STIL: variants seen among roughly 807,000 people sequenced by gnomAD.
The protein encoded by STIL is SCL-interrupting locus protein.
A neutral mutation model predicts 110.1 loss-of-function variants in STIL; 55 were observed. The observed-to-expected ratio is 0.50, with a 90% CI of 0.40 to 0.63. The LOEUF is 0.63. Ranked by LOEUF, STIL falls within the 20% of genes least tolerant of loss-of-function variation. STIL has a pLI of 0.00. For missense variants in STIL, 1,358 were observed against 1,530.0 expected (o/e 0.89, Z 1.87); for synonymous variants, 481 against 530.0 (o/e 0.91, Z 1.27).
chr1:47,312,452 C>CAA (rs1008201063), intron 1 of STIL, among the ~76,000 whole-genome samples: 4 of 132,980 alleles, frequency 3.0e-5, no homozygotes, highest in African/African-American at 8.4e-5. Context: ...GACTCCGTCT[C>CAA]AAAAAAAAAA....
intron 10 of STIL, 74 bp from the exon 11 acceptor site, chr1:47,282,533 G>T: frequency 1.1e-6 from 1 of 888,626 alleles, no homozygotes; most frequent in Non-Finnish European, 1.9e-6. Flanking sequence ...ATTGAATAAA[G>T]TCCTTTAATA....
intron 16 of STIL, among the ~76,000 whole-genome samples, chr1:47,254,180 C>CAAAAAAAAAA: frequency 1.6e-5 from 1 of 61,428 alleles, no homozygotes; most frequent in Non-Finnish European, 2.9e-5. Context: ...GACTCTGTCT[C>CAAAAAAAAAA]AAAAAAAAAA....
At position 47,280,494 on chromosome 1, in the gene STIL, G is replaced by A. The variant is rs772188029; in HGVS notation, c.1964C>T (p.Ala655Val). The A allele has an allele frequency of 5.0e-6, 8 of 1,614,132 alleles. No homozygotes were observed. The Admixed American group carries it at 6.7e-5, about 13-fold the overall frequency. Residue 655 changes from alanine to valine, a missense_variant, in exon 12 of 17, where the codon GCA becomes GTA. By Grantham distance (64) the Ala-to-Val change is moderately conservative. Transcript: ENST00000371877. ...TATAGGACTACTTGAAGAACAGAATGCATTACAGTACAGGGCTGGACATCC... is the reference window on the plus strand; with the variant it reads ...TATAGGACTACTTGAAGAACAGAATACATTACAGTACAGGGCTGGACATCC... ...PSGCPALYCN[A>V]FCSSSSPIAL...
intron 9 of STIL, among the ~76,000 whole-genome samples, chr1:47,288,965 G>A (rs1378768071): frequency 6.7e-6 from 1 of 148,222 alleles, no homozygotes; most frequent in Non-Finnish European, 1.5e-5. Flanking sequence ...TGGAGGTTGA[G>A]GCAGGAGAAT....
intron 6 of STIL, 114 bp downstream of exon 6, chr1:47,299,791 C>T: frequency 4.4e-6 from 5 of 1,126,150 alleles, no homozygotes; most frequent in Non-Finnish European, 5.1e-6. Flanking sequence ...GGTTATTAAC[C>T]AAGCCACCAT....
intron 5 of STIL, 25 bp downstream of exon 5, chr1:47,301,536 C>G: frequency 6.2e-7 from 1 of 1,601,072 alleles, no homozygotes; most frequent in East Asian, 2.2e-5. Flanking sequence ...GTTGAATTAA[C>G]TATCAAGTTG....
chr1:47,308,355 ACGTGATTATCGGGGCAGGT>A (rs1646025040), intron 2 of STIL, among the ~76,000 whole-genome samples: 2 of 151,924 alleles, frequency 1.3e-5, no homozygotes, highest in African/African-American at 2.4e-5. Flanking sequence ...AAAAGAACCT[ACGTGATTATCGGGGCAGGT>A]CCCCCGATAC....
chr1:47,255,726 A>G (rs1644310546), intron 16 of STIL, among the ~76,000 whole-genome samples: 1 of 152,198 alleles, frequency 6.6e-6, no homozygotes, highest in South Asian at 2.1e-4. Flanking sequence ...AGTCACTCCA[A>G]TTGGGAATAT....
rs543585452 is a variant in STIL at position 47,280,945 on chromosome 1, C to T, written c.1513G>A (p.Val505Ile). The T allele has an allele frequency of 2.5e-6, 4 of 1,614,004 alleles. No homozygotes were observed. In the African/African-American group the frequency reaches 4.0e-5, roughly 16 times the overall value. ...TTCTTATAGGCAGGTGGCTGTCTTA[C>T]TTTGCAGTGTCTCAAAAGAGCTGGT... The part of the protein sequence containing the change: ...DKPALLRHCK[V>I]RQPPAYKKGN... The change falls in exon 12 of 17, where the codon GTA becomes ATA. Residue 505 changes from valine (V) to isoleucine (I), a missense_variant. Coordinates refer to ENST00000371877, the MANE Select transcript of STIL (RefSeq NM_001048166.1).
intron 13 of STIL, among the ~76,000 whole-genome samples, chr1:47,270,255 T>TACAC (rs56253074): frequency 0.052 from 6,143 of 119,200 alleles, 276 homozygotes; most frequent in East Asian, 0.16. Flanking sequence ...TATATATATA[T>TACAC]ACACACACAC....
intron 14 of STIL, among the ~76,000 whole-genome samples, chr1:47,263,744 G>GTTTTTTTT (rs60915271): frequency 0.016 from 1,533 of 98,132 alleles, 233 homozygotes; most frequent in Middle Eastern, 0.025. Flanking sequence ...TTCATTCCAA[G>GTTTTTTTT]TTTTTTTTTT....
At chr1:47,314,461 G>C (rs1465685652), upstream of STIL, among the ~76,000 whole-genome samples, 12 of 152,352 alleles carry the variant, frequency 7.9e-5, no homozygotes, top group South Asian at 2.5e-3. Context: ...CAGCTAGGTA[G>C]ACGGAGGAGC....
intron 2 of STIL, among the ~76,000 whole-genome samples, chr1:47,305,978 G>A (rs1645949967): frequency 6.6e-6 from 1 of 151,522 alleles, no homozygotes. Flanking sequence ...TGATCTACCC[G>A]CCTCAGCCTC....
At chr1:47,302,388 A>G in intron 3 of STIL, 42 bp from the exon 4 acceptor site, 1 of 1,453,214 alleles carries the variant, frequency 6.9e-7, no homozygotes, top group Non-Finnish European at 9.7e-7. Flanking sequence ...TAGACCTCAT[A>G]TCTTAAAAAA....
rs1557749466 is a variant in STIL at position 47,287,641 on chromosome 1, T to A, written c.1043A>T (p.Lys348Ile). The A allele has an allele frequency of 6.2e-7, 1 of 1,613,604 alleles. No homozygotes were observed. The highest frequency in any genetic ancestry group is 8.5e-7 in the Non-Finnish European group (1 of 1,179,696). Residue 348 changes from lysine (K) to isoleucine (I), a missense_variant, in exon 10 of 17, where the codon AAA becomes ATA. Transcript: ENST00000371877. The part of the protein sequence containing the change: ...HLFKNVEPPD[K>I]NPIRCELSAE... Reference sequence around the variant, plus strand: ...GCTCAGTTCACAACGGATTGGATTTTTGTCAGGAGGTTCAACATTCTGAAA... The same window carrying A: ...GCTCAGTTCACAACGGATTGGATTTATGTCAGGAGGTTCAACATTCTGAAA...
At chr1:47,255,903 C>T (rs1644315213) in intron 16 of STIL, among the ~76,000 whole-genome samples, 1 of 152,158 alleles carries the variant, frequency 6.6e-6, no homozygotes, top group African/African-American at 2.4e-5. Context: ...CCTGCCTTAG[C>T]CACTCTTCTG....
chr1:47,260,117 G>T (rs186390000), intron 16 of STIL, among the ~76,000 whole-genome samples, 172 bp downstream of exon 16: 1 of 152,268 alleles, frequency 6.6e-6, no homozygotes, highest in African/African-American at 2.4e-5. Context: ...GCATATGGTA[G>T]GCCCTGAATA....
At chr1:47,278,552 C>T (rs1313624790) in intron 12 of STIL, among the ~76,000 whole-genome samples, 2 of 151,864 alleles carry the variant, frequency 1.3e-5, no homozygotes, top group Non-Finnish European at 2.9e-5. Context: ...TCCTTTTAGC[C>T]TCTAATTAGT....
Position 47,251,598 on chromosome 1 carries a change from A to G in STIL, c.3405T>C (p.Asn1135=). ...KRYGLLQSSD[N]SEDEEEPPDN... ...CGGGAGGTTCCTCTTCATCTTCACT[A>G]TTGTCACTGCTTTGTAGGAGTCCAT... is the stretch of plus-strand genomic sequence containing the variant. The change falls in exon 17 of 17, where the codon AAT becomes AAC. Residue 1135 remains asparagine (N), a synonymous_variant. Coordinates refer to ENST00000371877, the MANE Select transcript of STIL (RefSeq NM_001048166.1). The G allele has an allele frequency of 6.2e-7, 1 of 1,613,720 alleles. No individual in the cohort carries two copies. Among genetic ancestry groups the G allele is most frequent in the East Asian group, 2.2e-5 (1 of 44,874 alleles).
Sources: allele counts gnomAD v4.1 joint callset (sites outside exome capture counted in the v4.1 genomes callset), GRCh38; gene constraint gnomAD v4.1.1; transcripts MANE v1.5; gene names NCBI Gene and HGNC (gene_info 2026-07-23, HGNC 2026-07-21).